ELMO1: variants seen among roughly 807,000 people sequenced by gnomAD.
ELMO1 encodes the protein engulfment and cell motility 1.
A neutral mutation model predicts 98.9 loss-of-function variants in ELMO1; 26 were observed. The ratio of observed to expected loss-of-function variants is 0.26; its 90% CI spans 0.19 to 0.36. The LOEUF is 0.36. ELMO1 is among the 10% of genes least tolerant of loss of function. ELMO1 has a pLI of 1.00. For synonymous variants in ELMO1, 346 were observed against 346.0 expected, an observed-to-expected ratio of 1.00 and a Z score of 0.00; for missense variants, 627 against 935.2, an observed-to-expected ratio of 0.67 and a Z score of 4.30.
At chr7:37,040,620 G>A (rs1368407860) in intron 15 of ELMO1, among the ~76,000 whole-genome samples, 1 of 152,164 alleles carries the variant, frequency 6.6e-6, no homozygotes, top group Non-Finnish European at 1.5e-5. Flanking sequence ...CAAACCTAAA[G>A]TAGTATATGT....
chr7:37,423,836 T>C (rs1241646298), intron 1 of ELMO1, among the ~76,000 whole-genome samples: 1 of 152,192 alleles, frequency 6.6e-6, no homozygotes, highest in Non-Finnish European at 1.5e-5. Flanking sequence ...CCCTTTCTCT[T>C]TTTTAAAAAA....
At chr7:36,876,339 G>T (rs1803970056) in intron 19 of ELMO1, among the ~76,000 whole-genome samples, 1 of 150,112 alleles carries the variant, frequency 6.7e-6, no homozygotes, top group East Asian at 2.0e-4. Flanking sequence ...GTAATCGAGG[G>T]TCCTTTCTTT....
chr7:37,317,958 G>A (rs1017882798), intron 2 of ELMO1, among the ~76,000 whole-genome samples: 5 of 152,056 alleles, frequency 3.3e-5, no homozygotes, highest in African/African-American at 1.2e-4. Context: ...TACCTACTAA[G>A]TACGCACAAA....
chr7:37,225,777 G>T (rs909928213), intron 8 of ELMO1, among the ~76,000 whole-genome samples: 1 of 152,082 alleles, frequency 6.6e-6, no homozygotes, highest in Non-Finnish European at 1.5e-5. Context: ...TAAAATAGAG[G>T]TTAGAATAAT....
chr7:37,192,972 T>G (rs1297111815), intron 13 of ELMO1, among the ~76,000 whole-genome samples: 23 of 17,006 alleles, frequency 1.4e-3, no homozygotes, highest in South Asian at 5.1e-3. Flanking sequence ...ATATAGGAGA[T>G]ATATATATAT....
chr7:36,953,468 T>C (rs1477570890), intron 16 of ELMO1, among the ~76,000 whole-genome samples: 1 of 152,224 alleles, frequency 6.6e-6, no homozygotes, highest in Non-Finnish European at 1.5e-5. Flanking sequence ...ATAAGCAATA[T>C]TTTAAAAGGT....
chr7:37,222,880 C>T (rs1793673613), intron 9 of ELMO1, among the ~76,000 whole-genome samples, 187 bp from the exon 10 acceptor site: 2 of 152,170 alleles, frequency 1.3e-5, no homozygotes, highest in Admixed American at 1.3e-4. Context: ...GGTAAATATA[C>T]AACTACTATT....
intron 16 of ELMO1, among the ~76,000 whole-genome samples, chr7:36,954,767 A>C (rs1788302166): frequency 6.6e-6 from 1 of 152,208 alleles, no homozygotes; most frequent in African/African-American, 2.4e-5. Context: ...TTTCTACAAG[A>C]AAATGGTCTC....
At chr7:37,387,745 G>A (rs990959206) in intron 1 of ELMO1, among the ~76,000 whole-genome samples, 1 of 152,186 alleles carries the variant, frequency 6.6e-6, no homozygotes, top group African/African-American at 2.4e-5. Context: ...ATGTACTTTT[G>A]TATAGAAAAG....
chr7:37,285,612 T>C (rs867178175), intron 4 of ELMO1, among the ~76,000 whole-genome samples: 1 of 152,200 alleles, frequency 6.6e-6, no homozygotes, highest in East Asian at 1.9e-4. Context: ...TGTGTGTTCA[T>C]GCACTAAGTA....
At chr7:37,256,855 G>C (rs894372155) in intron 6 of ELMO1, among the ~76,000 whole-genome samples, 4 of 152,020 alleles carry the variant, frequency 2.6e-5, no homozygotes, top group African/African-American at 9.7e-5. Flanking sequence ...CTAACTTGCA[G>C]AGTTATCAAT....
At chr7:37,271,934 GAA>G in intron 4 of ELMO1, 52 bp from the exon 5 acceptor site, 1 of 1,540,570 alleles carries the variant, frequency 6.5e-7, no homozygotes, top group Non-Finnish European at 9.0e-7. Flanking sequence ...GCTTGGTAAA[GAA>G]GAGAACAAAG....
chr7:37,437,979 C>CAAAAAAAAAAAAAAAAAAAAAAA (rs57418239), intron 1 of ELMO1, among the ~76,000 whole-genome samples: 1 of 18,046 alleles, frequency 5.5e-5, no homozygotes, highest in African/African-American at 1.2e-4. Context: ...GACTCCGTCT[C>CAAAAAAAAAAAAAAAAAAAAAAA]AAAAAAAAAA....
chr7:36,935,795 C>T (rs1786476916), intron 16 of ELMO1, among the ~76,000 whole-genome samples: 2 of 152,276 alleles, frequency 1.3e-5, no homozygotes, highest in South Asian at 2.1e-4. Context: ...CTGGCCCCTC[C>T]AGTAAGAGAA....
At chr7:36,988,505 C>T (rs1791661147) in intron 16 of ELMO1, among the ~76,000 whole-genome samples, 1 of 152,196 alleles carries the variant, frequency 6.6e-6, no homozygotes. Flanking sequence ...AACCTGCAGA[C>T]TCTAATAGAG....
At chr7:36,969,109 AG>A (rs1265385271) in intron 16 of ELMO1, among the ~76,000 whole-genome samples, 2 of 152,150 alleles carry the variant, frequency 1.3e-5, no homozygotes, top group Non-Finnish European at 2.9e-5. Context: ...GCATACTCTC[AG>A]TGGAGGGTAT....
At chr7:37,248,458 T>A (rs1795142427) in intron 6 of ELMO1, among the ~76,000 whole-genome samples, 1 of 151,842 alleles carries the variant, frequency 6.6e-6, no homozygotes, top group Non-Finnish European at 1.5e-5. Context: ...GCAGATCCTG[T>A]TTAGGGAATT....
chr7:37,276,905 G>A (rs1392101349), intron 4 of ELMO1, among the ~76,000 whole-genome samples: 1 of 152,180 alleles, frequency 6.6e-6, no homozygotes, highest in Non-Finnish European at 1.5e-5. Context: ...TTCAGAGGGA[G>A]CAGCCCTCGG....
intron 14 of ELMO1, chr7:37,116,875 G>C (rs1199146068): frequency 5.0e-6 from 1 of 199,154 alleles, no homozygotes; most frequent in Non-Finnish European, 1.1e-5. Flanking sequence ...AGGAACGAGT[G>C]TGTGGGCAAG....
Sources: gnomAD v4.1 joint callset for allele counts (sites outside exome capture counted in the v4.1 genomes callset) on GRCh38, gnomAD v4.1.1 for gene constraint, MANE v1.5 for transcripts, NCBI Gene and HGNC (gene_info 2026-07-23, HGNC 2026-07-21) for gene names.